CDK13: variants seen among roughly 807,000 people sequenced by gnomAD.
CDK13 encodes the protein cyclin-dependent kinase 13.
CDK13 carries 40 observed loss-of-function variants against 137.6 expected under a neutral mutation model. The ratio of observed to expected loss-of-function variants is 0.29; its 90% CI spans 0.23 to 0.38. CDK13 has a LOEUF of 0.38. CDK13 is among the 10% of genes least tolerant of loss of function. The pLI, the probability that CDK13 is intolerant of heterozygous loss-of-function variation, is 1.00. For missense variants in CDK13, 1,704 were observed against 1,951.8 expected, an observed-to-expected ratio of 0.87 and a Z score of 2.39; for synonymous variants, 869 against 760.1, an observed-to-expected ratio of 1.14 and a Z score of -2.36.
chr7:40,089,551 C>G (rs1786869415), intron 12 of CDK13, among the ~76,000 whole-genome samples: 1 of 151,986 alleles, frequency 6.6e-6, no homozygotes, highest in Non-Finnish European at 1.5e-5. Context: ...TCTGCCTCTT[C>G]AATGTTGTCA....
At chr7:39,991,058 A>G (rs1784444816) in intron 2 of CDK13, among the ~76,000 whole-genome samples, 1 of 152,248 alleles carries the variant, frequency 6.6e-6, no homozygotes, top group Non-Finnish European at 1.5e-5. Context: ...AAGAGGAACT[A>G]TTGGTTGGTT....
At chr7:40,069,496 TGATAA>T in intron 9 of CDK13, 2 of 326,282 alleles carry the variant, frequency 6.1e-6, no homozygotes, top group South Asian at 5.1e-5. Flanking sequence ...AAAAGAGGAC[TGATAA>T]CATGCTTAGG....
At chr7:40,089,164 G>A (rs1786858571) in intron 12 of CDK13, among the ~76,000 whole-genome samples, 1 of 151,830 alleles carries the variant, frequency 6.6e-6, no homozygotes, top group African/African-American at 2.4e-5. Flanking sequence ...GCCAGGCATG[G>A]TGGCTCACAT....
intron 1 of CDK13, among the ~76,000 whole-genome samples, chr7:39,983,417 G>A (rs750214459): frequency 4.4e-4 from 67 of 152,054 alleles, no homozygotes; most frequent in Non-Finnish European, 5.4e-4. Flanking sequence ...AACTGCGCCC[G>A]GCCCCAAAAT....
At chr7:40,030,357 T>C (rs986902813) in intron 5 of CDK13, among the ~76,000 whole-genome samples, 2 of 149,942 alleles carry the variant, frequency 1.3e-5, no homozygotes, top group African/African-American at 4.9e-5. Flanking sequence ...AAATAAACAA[T>C]AGTTTTTCTG....
intron 5 of CDK13, among the ~76,000 whole-genome samples, chr7:40,032,617 G>A (rs1785404231): frequency 6.6e-6 from 1 of 152,094 alleles, no homozygotes; most frequent in African/African-American, 2.4e-5. Flanking sequence ...GTGTCCCCTT[G>A]TTTAAGCAGC....
intron 6 of CDK13, among the ~76,000 whole-genome samples, chr7:40,047,178 AAAG>A (rs1337689913): frequency 4.6e-5 from 7 of 152,214 alleles, no homozygotes; most frequent in African/African-American, 1.2e-4. Context: ...AAATTTTAAA[AAAG>A]CAGTCACAGT....
intron 5 of CDK13, among the ~76,000 whole-genome samples, chr7:40,021,108 TATATATATATATATACAC>T (rs1189258642): frequency 1.4e-5 from 1 of 72,466 alleles, no homozygotes; most frequent in African/African-American, 7.0e-5. Context: ...CAAACGTATA[TATATATATATATATACAC>T]ACACACACAC....
intron 9 of CDK13, among the ~76,000 whole-genome samples, chr7:40,075,663 T>C (rs1192353100): frequency 6.6e-6 from 1 of 152,114 alleles, no homozygotes; most frequent in Non-Finnish European, 1.5e-5. Context: ...GAGTCAAATA[T>C]AAAACTTGCT....
In CDK13 at chr7:39,950,546, C is replaced by G. The variant is rs1787115585; in HGVS notation, c.-96C>G. 1 of 1,274,730 alleles carries G rather than the reference C, an allele frequency of 7.8e-7. No homozygotes were observed. The highest frequency in any genetic ancestry group is 9.9e-7 in the Non-Finnish European group (1 of 1,011,162). 79.0% of individuals were successfully genotyped at this position (1,274,730 alleles called of 1,614,324 possible). A position where few individuals can be genotyped will look rare whatever the true frequency, so the allele number is the denominator to read the frequency against. Reference sequence around the variant, plus strand: ...CGGCCGGCTCTGGTGCTCGGTGTCCCTCCGCCGCCGCTCCCGTTTCCGGCG... The same window carrying G: ...CGGCCGGCTCTGGTGCTCGGTGTCCGTCCGCCGCCGCTCCCGTTTCCGGCG... On this transcript the variant is annotated 5_prime_UTR_variant, in exon 1 of 14. Coordinates refer to ENST00000181839, the MANE Select transcript of CDK13 (RefSeq NM_003718.5).
intron 7 of CDK13, among the ~76,000 whole-genome samples, chr7:40,057,127 T>C (rs1294703030): frequency 6.6e-6 from 1 of 152,098 alleles, no homozygotes; most frequent in Non-Finnish European, 1.5e-5. Flanking sequence ...TGGTGGCAGA[T>C]GCCTGTAATC....
intron 5 of CDK13, among the ~76,000 whole-genome samples, chr7:40,014,387 C>T (rs1784960585): frequency 6.6e-6 from 1 of 150,540 alleles, no homozygotes; most frequent in African/African-American, 2.4e-5. Context: ...TTTTAATACA[C>T]ATTTTTTAAT....
chr7:39,955,361 T>C (rs1219593556), intron 1 of CDK13, among the ~76,000 whole-genome samples: 2 of 152,182 alleles, frequency 1.3e-5, no homozygotes, highest in African/African-American at 2.4e-5. Flanking sequence ...CCTAGGCTGA[T>C]TTGAAAGTAC....
chr7:39,951,811 C>T lies in CDK13; in HGVS notation c.1170C>T (p.Ser390=), dbSNP rs1562693400. Residue 390 remains serine, a synonymous_variant, in exon 1 of 14, where the codon AGC becomes AGT. Coordinates refer to ENST00000181839, the MANE Select transcript of CDK13 (RefSeq NM_003718.5). Reference sequence around the variant, plus strand: ...TGTCCCCTAGTCCCTACAGCAGCAGCAGCTGGCGCCGCTCTCGCAGTCCCT... The same window carrying T: ...TGTCCCCTAGTCCCTACAGCAGCAGTAGCTGGCGCCGCTCTCGCAGTCCCT... ...GDVSPSPYSS[S]SWRRSRSPYS... is the part of the protein sequence containing the mutation. 6.9e-7 allele frequency: 1 copy of T among 1,453,646 alleles called. No homozygotes were observed. The highest frequency in any genetic ancestry group is 9.0e-7 in the Non-Finnish European group (1 of 1,112,374). The allele number at this position is 1,453,646 out of a possible 1,614,324, so 90.0% of individuals were successfully genotyped here. A position where few individuals can be genotyped will look rare whatever the true frequency, so the allele number is the denominator to read the frequency against.
intron 1 of CDK13, among the ~76,000 whole-genome samples, chr7:39,976,323 T>TCTCTCTCTCTCA: frequency 0.011 from 436 of 39,550 alleles, 10 homozygotes; most frequent in Non-Finnish European, 0.016. Context: ...TCTCTCTCTC[T>TCTCTCTCTCTCA]CACACACACA....
chr7:39,997,994 A>G lies in CDK13; in HGVS notation c.2042+330A>G, dbSNP rs115424168. 3.9e-3 allele frequency: 714 copies of G among 184,896 alleles called. 9 individuals carry two copies. The highest frequency in any genetic ancestry group is 0.016 in the African/African-American group (667 of 42,154). 11.5% of individuals were successfully genotyped at this position (184,896 alleles called of 1,614,324 possible). On this transcript the variant is annotated intron_variant, in intron 3 of 13. Coordinates refer to ENST00000181839, the MANE Select transcript of CDK13 (RefSeq NM_003718.5). ...GCAGAGTAGAAGTCAGCATTTAGTG[A>G]GACCAAATAAAATTAGTAATGGGCA...
chr7:40,013,727 A>T (rs556461639), intron 5 of CDK13, among the ~76,000 whole-genome samples: 1 of 152,324 alleles, frequency 6.6e-6, no homozygotes, highest in East Asian at 1.9e-4. Context: ...ACTCAAACCA[A>T]TTGAACACTT....
intron 4 of CDK13, among the ~76,000 whole-genome samples, chr7:40,000,318 A>T (rs186607603): frequency 8.5e-5 from 13 of 152,260 alleles, no homozygotes; most frequent in African/African-American, 3.1e-4. Context: ...GTGAGCTGAG[A>T]TCACACCACT....
chr7:40,014,546 A>G (rs1336588442), intron 5 of CDK13, among the ~76,000 whole-genome samples: 1 of 145,976 alleles, frequency 6.9e-6, no homozygotes, highest in African/African-American at 2.6e-5. Context: ...CCTTGACCTC[A>G]TGTGCTCAAG....
Sources: gnomAD v4.1 joint callset for allele counts (sites outside exome capture counted in the v4.1 genomes callset) on GRCh38, gnomAD v4.1.1 for gene constraint, MANE v1.5 for transcripts, NCBI Gene and HGNC (gene_info 2026-07-23, HGNC 2026-07-21) for gene names.